Variants in SNX30 observed in about 807,000 individuals in gnomAD.
SNX30 encodes sorting nexin-30.
A neutral mutation model predicts 46.4 loss-of-function variants in SNX30; 24 were observed. The observed-to-expected ratio is 0.52, with a 90% CI of 0.37 to 0.73. SNX30 has a LOEUF of 0.73. Ranked by LOEUF, SNX30 falls within the 30% of genes least tolerant of loss-of-function variation. SNX30 has a pLI of 0.00. For missense variants in SNX30, 533 were observed against 555.7 expected (o/e 0.96, Z 0.41); for synonymous variants, 189 against 211.5 (o/e 0.89, Z 0.92).
intron 2 of SNX30, among the ~76,000 whole-genome samples, chr9:112,814,823 G>A (rs777059734): frequency 6.6e-6 from 1 of 152,166 alleles, no homozygotes; most frequent in Non-Finnish European, 1.5e-5. Context: ...TTTATTTTAA[G>A]GGAATTACGA....
chr9:112,770,002 C>T (rs1839619900), intron 1 of SNX30, among the ~76,000 whole-genome samples: 1 of 152,098 alleles, frequency 6.6e-6, no homozygotes, highest in South Asian at 2.1e-4. Context: ...CTGCTGCTAC[C>T]CTGACTGCTG....
rs1196926907 is a variant in SNX30 at position 112,831,029 on chromosome 9, C to A, written c.618+146C>A. 14 of 800,126 alleles carry A rather than the reference C, an allele frequency of 1.7e-5. No homozygotes were observed. In the South Asian group the frequency reaches 2.6e-4, roughly 15 times the overall value. 49.6% of individuals were successfully genotyped at this position (800,126 alleles called of 1,614,324 possible). The stretch of plus-strand genomic sequence containing the variant: ...GTTGTGCGCCTGTAGTCCCAGCTAC[C>A]TGGGAGGCTAAGGCAGGAGGTAGCT... On this transcript the variant is annotated intron_variant, in intron 4 of 8. Coordinates refer to ENST00000374232, the MANE Select transcript of SNX30 (RefSeq NM_001012994.2).
In SNX30 at chr9:112,868,776, C is replaced by T. The variant is rs770656776; in HGVS notation, c.1255-8C>T. 4.3e-6 allele frequency: 7 copies of T among 1,613,828 alleles called. No individual in the cohort carries two copies. Among genetic ancestry groups the T allele is most frequent in the Non-Finnish European group, 5.9e-6 (7 of 1,179,860 alleles). The stretch of plus-strand genomic sequence containing the variant: ...AGCTGATACTGTGTGTGTATGTTGT[C>T]GTTCCAGTGCCTCATGGCGTGGGAG... On this transcript the variant is annotated splice_region_variant and splice_polypyrimidine_tract_variant and intron_variant, in intron 8 of 8. Coordinates refer to ENST00000374232, the MANE Select transcript of SNX30 (RefSeq NM_001012994.2).
intron 7 of SNX30, among the ~76,000 whole-genome samples, chr9:112,854,374 G>A (rs1362150934): frequency 2.0e-5 from 3 of 152,150 alleles, no homozygotes; most frequent in Non-Finnish European, 4.4e-5. Context: ...GCTGTTGTCC[G>A]CCTTCCTGGA....
At chr9:112,761,005 G>A (rs1198173156) in intron 1 of SNX30, among the ~76,000 whole-genome samples, 3 of 152,196 alleles carry the variant, frequency 2.0e-5, no homozygotes, top group Admixed American at 6.5e-5. Flanking sequence ...TGGGTCATGC[G>A]TTGGGAGTGG....
chr9:112,768,652 T>TCTTC (rs753280653), intron 1 of SNX30, among the ~76,000 whole-genome samples: 2 of 74,310 alleles, frequency 2.7e-5, no homozygotes, highest in South Asian at 6.0e-4. Context: ...TTCTTCTTTT[T>TCTTC]TTTTTTTTTT....
chr9:112,875,057 C>G (rs1454705605), downstream of SNX30: 2 of 152,140 alleles, frequency 1.3e-5, no homozygotes, highest in African/African-American at 4.8e-5. Flanking sequence ...TTTCTGTTTT[C>G]TTATTTTCTC....
chr9:112,757,827 C>A (rs1647093221), intron 1 of SNX30, among the ~76,000 whole-genome samples: 1 of 152,144 alleles, frequency 6.6e-6, no homozygotes, highest in Non-Finnish European at 1.5e-5. Flanking sequence ...TCTTTTTATA[C>A]CCAGCTTGGA....
intron 1 of SNX30, among the ~76,000 whole-genome samples, chr9:112,795,303 C>T (rs1196115771): frequency 6.6e-6 from 1 of 152,082 alleles, no homozygotes; most frequent in Non-Finnish European, 1.5e-5. Context: ...ATGAGGACAT[C>T]GGGGCTTAGA....
chr9:112,864,508 T>G, intron 8 of SNX30, 109 bp downstream of exon 8: 1 of 1,414,068 alleles, frequency 7.1e-7, no homozygotes, highest in Non-Finnish European at 9.8e-7. Context: ...CCTTCCCTTA[T>G]TTTAGCTGCT....
In SNX30 at chr9:112,817,401, C is replaced by CTTTTTTTTTTTTTTTTT. The variant is rs56856142; in HGVS notation, c.349-290_349-274dup. ...CGGTAGGGAAAAAAAAAAAAACTGG[C>CTTTTTTTTTTTTTTTTT]TTTTTTTTTTTTTTTTTTTTTTTTT... On this transcript the variant is annotated intron_variant, in intron 2 of 8. Transcript: ENST00000374232. 5.6e-3 allele frequency among the ~76,000 whole-genome samples: 263 copies of CTTTTTTTTTTTTTTTTT among 46,834 alleles called. 55 individuals carry two copies. The highest frequency in any genetic ancestry group is 0.024 in the Middle Eastern group (1 of 42). 30.7% of individuals were successfully genotyped at this position (46,834 alleles called of 152,430 possible).
At chr9:112,762,569 T>C (rs940207487) in intron 1 of SNX30, among the ~76,000 whole-genome samples, 3 of 152,170 alleles carry the variant, frequency 2.0e-5, no homozygotes, top group African/African-American at 4.8e-5. Flanking sequence ...GTAATGCCTC[T>C]GTTTCCCCTA....
At chr9:112,861,186 A>G (rs1299270526) in intron 7 of SNX30, among the ~76,000 whole-genome samples, 1 of 152,132 alleles carries the variant, frequency 6.6e-6, no homozygotes, top group Non-Finnish European at 1.5e-5. Context: ...GCAAACTTGC[A>G]TTTTTCTATT....
intron 5 of SNX30, among the ~76,000 whole-genome samples, chr9:112,837,255 A>G (rs1478668641): frequency 6.6e-6 from 1 of 151,434 alleles, no homozygotes; most frequent in Non-Finnish European, 1.5e-5. Flanking sequence ...TACTTGACCC[A>G]CTGATGATAC....
Position 112,764,590 on chromosome 9 carries a change from G to A in SNX30, c.156+13433G>A, listed in dbSNP as rs1009767249. Among the ~76,000 whole-genome samples the A allele has an allele frequency of 5.3e-5, 8 of 152,182 alleles. No homozygotes were observed. The South Asian group carries it at 1.0e-3, about 20-fold the overall frequency. The stretch of plus-strand genomic sequence containing the variant: ...TTTTAAGCGGGGGAGGAACAGGGCC[G>A]TGTTTGGGGTTAGAGTCACTGATCA... On this transcript the variant is annotated intron_variant, in intron 1 of 8. Coordinates refer to ENST00000374232, the MANE Select transcript of SNX30 (RefSeq NM_001012994.2).
chr9:112,861,487 G>T (rs1841231090), intron 7 of SNX30, among the ~76,000 whole-genome samples: 1 of 152,214 alleles, frequency 6.6e-6, no homozygotes, highest in Non-Finnish European at 1.5e-5. Context: ...CTGGTAAGTG[G>T]CAGGTGGGGT....
At chr9:112,862,723 G>A (rs1480374059) in intron 7 of SNX30, among the ~76,000 whole-genome samples, 2 of 151,762 alleles carry the variant, frequency 1.3e-5, no homozygotes, top group African/African-American at 2.4e-5. Flanking sequence ...ACAACATAGC[G>A]CCACCACATC....
chr9:112,764,616 A>G (rs1361980996), intron 1 of SNX30, among the ~76,000 whole-genome samples: 6 of 152,112 alleles, frequency 3.9e-5, no homozygotes, highest in Non-Finnish European at 5.9e-5. Context: ...TCACTGATCA[A>G]GAACTAGCTG....
At chr9:112,804,278 C>T (rs938581139) in intron 1 of SNX30, among the ~76,000 whole-genome samples, 2 of 152,208 alleles carry the variant, frequency 1.3e-5, no homozygotes, top group Non-Finnish European at 2.9e-5. Flanking sequence ...AATTCTCCTG[C>T]CTCAGCTTCC....
Sources: gnomAD v4.1 joint callset for allele counts (sites outside exome capture counted in the v4.1 genomes callset) on GRCh38, gnomAD v4.1.1 for gene constraint, MANE v1.5 for transcripts, NCBI Gene and HGNC (gene_info 2026-07-23, HGNC 2026-07-21) for gene names.